The following TAAR2 variants were observed in gnomAD, a reference collection of about 807,000 sequenced individuals.
TAAR2 encodes trace amine-associated receptor 2.
A neutral mutation model predicts 25.5 loss-of-function variants in TAAR2; 30 were observed. The ratio of observed to expected loss-of-function variants is 1.18; its 90% CI spans 0.88 to 1.60. TAAR2 has a LOEUF of 1.60. Ranked by LOEUF, TAAR2 falls within the 40% of genes most tolerant of loss-of-function variation. TAAR2 has a pLI of 0.00. For synonymous variants in TAAR2, 150 were observed against 142.4 expected (o/e 1.05, Z -0.38); for missense variants, 481 against 416.5 (o/e 1.15, Z -1.35).
At position 132,617,232 on chromosome 6, in the gene TAAR2, G is replaced by A. The variant is rs1317486998; in HGVS notation, c.974C>T (p.Ala325Val). The change falls in exon 2 of 2, where the codon GCA becomes GTA. Residue 325 changes from alanine to valine, a missense_variant. By Grantham distance (64) the Ala-to-Val change is moderately conservative. Transcript: ENST00000367931. The part of the protein sequence containing the change: ...YGFFYPWFRR[A>V]LKYILLGKIF... ...TTTACCTAGCAAAATGTACTTCAGT[G>A]CTCTGCGAAACCAGGGATAGAAGAA... is the stretch of plus-strand genomic sequence containing the variant. 6.2e-7 allele frequency: 1 copy of A among 1,613,230 alleles called. No individual in the cohort carries two copies. Among genetic ancestry groups the A allele is most frequent in the East Asian group, 2.2e-5 (1 of 44,722 alleles).
rs77274542 is a variant in TAAR2 at position 132,622,128 on chromosome 6, G to A, written c.60+2088C>T. Among the ~76,000 whole-genome samples the A allele has an allele frequency of 9.2e-3, 1,400 of 151,914 alleles. 25 individuals carry two copies. Among genetic ancestry groups the A allele is most frequent in the African/African-American group, 0.03 (1,240 of 41,438 alleles). ...CAGATCTTTTCGCCATTACTGTTAC[G>A]TTTCTAAAAGAAGCTCAGACACAAA... On this transcript the variant is annotated intron_variant, in intron 1 of 1. Coordinates refer to ENST00000367931, the MANE Select transcript of TAAR2 (RefSeq NM_001033080.1).
chr6:132,618,085 C>G lies in TAAR2; in HGVS notation c.121G>C (p.Gly41Arg), dbSNP rs763783962. 30 of 1,612,524 alleles carry G rather than the reference C, an allele frequency of 1.9e-5. No homozygotes were observed. The highest frequency in any genetic ancestry group is 1.7e-5 in the Admixed American group (1 of 59,796). The change falls in exon 2 of 2, where the codon GGT (glycine) becomes CGT (arginine). Residue 41 changes from glycine (G) to arginine (R), a missense_variant. Physicochemically the swap from Gly to Arg is moderately radical, Grantham distance 125. Coordinates refer to ENST00000367931, the MANE Select transcript of TAAR2 (RefSeq NM_001033080.1). ...RSCPENERSL[G>R]VRVAMYSFMA... is the part of the protein sequence containing the mutation. Reference sequence around the variant, plus strand: ...AATGAATACATAGCCACTCGGACACCCAGAGATCTTTCATTTTCTGGGCAA... The same window carrying G: ...AATGAATACATAGCCACTCGGACACGCAGAGATCTTTCATTTTCTGGGCAA...
rs1378899435 is a variant in TAAR2 at position 132,617,564 on chromosome 6, A to C, written c.642T>G (p.Phe214Leu). Residue 214 changes from phenylalanine (F) to leucine (L), a missense_variant, in exon 2 of 2, where the codon TTT becomes TTG. Phe to Leu is a conservative substitution (Grantham distance 22). Transcript: ENST00000367931. ...ACCCAGGAGTGAAGAAACCTGCCATAAACAAGGTGGTCCCCCATAGCTTGT... is the reference window on the plus strand; with the variant it reads ...ACCCAGGAGTGAAGAAACCTGCCATCAACAAGGTGGTCCCCCATAGCTTGT... ...MFNKLWGTTL[F>L]MAGFFTPGSM... The C allele has an allele frequency of 1.9e-6, 3 of 1,614,068 alleles. No individual in the cohort carries two copies. Among genetic ancestry groups the C allele is most frequent in the African/African-American group, 2.7e-5 (2 of 75,056 alleles).
intron 1 of TAAR2, among the ~76,000 whole-genome samples, chr6:132,622,308 C>A (rs1383267675): frequency 6.6e-6 from 1 of 150,740 alleles, no homozygotes; most frequent in African/African-American, 2.4e-5. Context: ...AAAGAATTTT[C>A]TATTTTTTCT....
In TAAR2 at chr6:132,617,209, T is replaced by A; in HGVS notation, c.997A>T (p.Lys333Ter). Residue 333 changes from lysine (K) to a stop codon, truncating the protein, a stop_gained, in exon 2 of 2, where the codon AAA (lysine) becomes TAA (stop). Coordinates refer to ENST00000367931, the MANE Select transcript of TAAR2 (RefSeq NM_001033080.1). LOFTEE classifies it high-confidence loss of function. ...TTATGGAAACATGAGCTGAAAATTT[T>A]ACCTAGCAAAATGTACTTCAGTGCT... ...RRALKYILLG[K>*]IFSSCFHNTI... The A allele has an allele frequency of 6.2e-7, 1 of 1,607,256 alleles. No homozygotes were observed. The highest frequency in any genetic ancestry group is 8.5e-7 in the Non-Finnish European group (1 of 1,178,388).
chr6:132,617,668 A>G lies in TAAR2; in HGVS notation c.538T>C (p.Phe180Leu), dbSNP rs772789172. The change falls in exon 2 of 2, where the codon TTC (phenylalanine) becomes CTC (leucine). Residue 180 changes from phenylalanine to leucine, a missense_variant. Physicochemically the swap from Phe to Leu is conservative, Grantham distance 22. Coordinates refer to ENST00000367931, the MANE Select transcript of TAAR2 (RefSeq NM_001033080.1). ...VPGAFAFGVV[F>L]SEAYADGIEG... ...ATTCCATCTGCATAGGCCTCTGAGA[A>G]GACCACCCCGAAGGCAAATGCTCCA... 1 of 1,613,948 alleles carries G rather than the reference A, an allele frequency of 6.2e-7. No homozygotes were observed. Among genetic ancestry groups the G allele is most frequent in the Non-Finnish European group, 8.5e-7 (1 of 1,179,986 alleles).
chr6:132,620,057 T>C (rs1777353384), intron 1 of TAAR2, among the ~76,000 whole-genome samples: 1 of 152,204 alleles, frequency 6.6e-6, no homozygotes, highest in Admixed American at 6.5e-5. Context: ...TAGCCAGCAT[T>C]AGTCAAAAGA....
At position 132,617,764 on chromosome 6, in the gene TAAR2, G is replaced by A; in HGVS notation, c.442C>T (p.Pro148Ser). ...AIDRFYAICY[P>S]LLYSTKITIP... The stretch of plus-strand genomic sequence containing the variant: ...GTTATTTTGGTGGAATAAAGTAATG[G>A]GTAACATATAGCATAAAATCTATCA... Residue 148 changes from proline to serine, a missense_variant, in exon 2 of 2, where the codon CCA becomes TCA. Transcript: ENST00000367931. 1 of 1,613,974 alleles carries A rather than the reference G, an allele frequency of 6.2e-7. No homozygotes were observed. The highest frequency in any genetic ancestry group is 1.3e-5 in the African/African-American group (1 of 75,022).
intron 1 of TAAR2, 75 bp from the exon 2 acceptor site, chr6:132,618,220 AACTC>A (rs1194441358): frequency 1.5e-6 from 2 of 1,358,964 alleles, no homozygotes; most frequent in Admixed American, 5.2e-5. Flanking sequence ...TTCATAGAAA[AACTC>A]AAGAAAGGCA....
At chr6:132,622,342 T>C (rs1391338457) in intron 1 of TAAR2, among the ~76,000 whole-genome samples, 2 of 151,202 alleles carry the variant, frequency 1.3e-5, no homozygotes, top group African/African-American at 4.8e-5. Context: ...TATTATTTTT[T>C]CTTTTTTTAA....
chr6:132,624,262 G>A lies in TAAR2; in HGVS notation c.14C>T (p.Ser5Leu). The A allele has an allele frequency of 1.2e-6, 2 of 1,613,440 alleles. No individual in the cohort carries two copies. The highest frequency in any genetic ancestry group is 2.2e-5 in the South Asian group (2 of 91,056). The change falls in exon 1 of 2, where the codon TCA (serine) becomes TTA (leucine). Residue 5 changes from serine (S) to leucine (L), a missense_variant. By Grantham distance (145) the Ser-to-Leu change is moderately radical. Coordinates refer to ENST00000367931, the MANE Select transcript of TAAR2 (RefSeq NM_001033080.1). MAVS[S>L]EQHELSHFKR... ...GAAATGTGAAAGTTCATGTTGCTCT[G>A]ATGAGACAGCCATGGGAGGCAAGAT... is the stretch of plus-strand genomic sequence containing the variant.
chr6:132,622,337 T>A (rs985876385), intron 1 of TAAR2, among the ~76,000 whole-genome samples: 2 of 151,092 alleles, frequency 1.3e-5, no homozygotes, highest in African/African-American at 4.8e-5. Flanking sequence ...ATTATTATTA[T>A]TTTTTCTTTT....
chr6:132,618,587 C>T (rs1231606665), intron 1 of TAAR2, among the ~76,000 whole-genome samples: 1 of 151,922 alleles, frequency 6.6e-6, no homozygotes, highest in Non-Finnish European at 1.5e-5. Context: ...TTGCAGTGAG[C>T]CGAGATTGTG....
intron 1 of TAAR2, among the ~76,000 whole-genome samples, chr6:132,620,427 A>G (rs1777357015): frequency 6.6e-6 from 1 of 152,232 alleles, no homozygotes; most frequent in Non-Finnish European, 1.5e-5. Context: ...TTCATGAAAG[A>G]GTTTCATCAG....
intron 1 of TAAR2, among the ~76,000 whole-genome samples, chr6:132,620,931 C>T (rs1777363577): frequency 6.6e-6 from 1 of 151,784 alleles, no homozygotes; most frequent in Non-Finnish European, 1.5e-5. Flanking sequence ...AGAGATTTTC[C>T]TCCCTCTTGG....
At chr6:132,618,421 C>T (rs913083217) in intron 1 of TAAR2, among the ~76,000 whole-genome samples, 2 of 152,082 alleles carry the variant, frequency 1.3e-5, no homozygotes, top group Non-Finnish European at 2.9e-5. Flanking sequence ...AGGGGGAGCA[C>T]TGAAGGTCAG....
chr6:132,622,789 A>T (rs1294596176), intron 1 of TAAR2, among the ~76,000 whole-genome samples: 1 of 151,922 alleles, frequency 6.6e-6, no homozygotes, highest in Non-Finnish European at 1.5e-5. Context: ...CTGCCTAGTA[A>T]CCACTTTTAA....
At chr6:132,622,983 G>A (rs9389016) in intron 1 of TAAR2, among the ~76,000 whole-genome samples, 70,477 of 151,890 alleles carry the variant, frequency 0.46, 18,055 homozygotes, top group East Asian at 0.67. Flanking sequence ...TAGGCTTAGC[G>A]TAATGCCTGA....
intron 1 of TAAR2, among the ~76,000 whole-genome samples, chr6:132,620,678 C>T (rs1174372216): frequency 6.6e-6 from 1 of 151,968 alleles, no homozygotes; most frequent in African/African-American, 2.4e-5. Context: ...CTATTGGGTA[C>T]TGGGCTCAAT....
Sources: gnomAD v4.1 joint callset for allele counts (sites outside exome capture counted in the v4.1 genomes callset) on GRCh38, gnomAD v4.1.1 for gene constraint, MANE v1.5 for transcripts, NCBI Gene and HGNC (gene_info 2026-07-23, HGNC 2026-07-21) for gene names.